Variants in NUTM1 observed in about 807,000 individuals in gnomAD.
The protein encoded by NUTM1 is NUT midline carcinoma family member 1, also known as NUT family member 1.
A neutral mutation model predicts 88.7 loss-of-function variants in NUTM1; 39 were observed. That is an observed-to-expected ratio of 0.44 (90% CI 0.34 to 0.57). The LOEUF is 0.57. Ranked by LOEUF, NUTM1 falls within the 20% of genes least tolerant of loss-of-function variation. The pLI is 0.01. For missense variants in NUTM1, 1,350 were observed against 1,414.5 expected (o/e 0.95, Z 0.73); for synonymous variants, 494 against 538.0 (o/e 0.92, Z 1.13).
At position 34,356,045 on chromosome 15, in the gene NUTM1, A is replaced by G; in HGVS notation, c.2037A>G (p.Leu679=). The G allele has an allele frequency of 6.2e-7, 1 of 1,614,150 alleles. No homozygotes were observed. Among genetic ancestry groups the G allele is most frequent in the Non-Finnish European group, 8.5e-7 (1 of 1,180,002 alleles). The change falls in exon 8 of 8, where the codon TTA becomes TTG. Residue 679 remains leucine (L), a synonymous_variant. Transcript: ENST00000537011. ...TGGCTCCTCTGCAAGGACAAGGGTT[A>G]GAAAAGCAAGTCCTGGGATTGCAGA... ...AELAPLQGQG[L]EKQVLGLQKG... is the part of the protein sequence containing the mutation.
chr15:34,355,958 T>C lies in NUTM1; in HGVS notation c.1950T>C (p.Leu650=). Residue 650 remains leucine, a synonymous_variant, in exon 8 of 8, where the codon CTT becomes CTC. Transcript: ENST00000537011. The surrounding 1 kb of genome is among the most constrained non-coding windows in gnomAD (Gnocchi z 4.3). ...ATAGGACTTCAGAGGCTCTGCCCCT[T>C]TGTTGGCAGGGAGGCTTCCAGCCTG... The part of the protein sequence containing the change: ...VADRTSEALP[L]CWQGGFQPES... 1 of 1,614,136 alleles carries C rather than the reference T, an allele frequency of 6.2e-7. No homozygotes were observed. Among genetic ancestry groups the C allele is most frequent in the Non-Finnish European group, 8.5e-7 (1 of 1,179,988 alleles).
chr15:34,351,967 C>A (rs529807093), intron 4 of NUTM1, among the ~76,000 whole-genome samples: 3 of 151,384 alleles, frequency 2.0e-5, no homozygotes, highest in Non-Finnish European at 4.4e-5. Context: ...GTCGGGAGTT[C>A]GAGACCAGCC....
In NUTM1 at chr15:34,345,931, A is replaced by C. The variant is rs913157253; in HGVS notation, c.7-11A>C. ...CCCTTCCTTGGATCCCTGTGCACCT[A>C]CTGGAGCCAGGTTACTCTGGGTCCT... On this transcript the variant is annotated splice_polypyrimidine_tract_variant and intron_variant, in intron 1 of 7. Transcript: ENST00000537011. 6.2e-7 allele frequency: 1 copy of C among 1,613,172 alleles called. No homozygotes were observed. The highest frequency in any genetic ancestry group is 1.3e-5 in the African/African-American group (1 of 74,710).
At chr15:34,349,326 A>G (rs1890665221) in intron 3 of NUTM1, among the ~76,000 whole-genome samples, 1 of 152,262 alleles carries the variant, frequency 6.6e-6, no homozygotes, top group Non-Finnish European at 1.5e-5. Context: ...AAAGGGGGAT[A>G]ACTATACCTA....
chr15:34,357,238 A>T lies in NUTM1; in HGVS notation c.3230A>T (p.Gln1077Leu). The change falls in exon 8 of 8, where the codon CAG becomes CTG. Residue 1077 changes from glutamine (Q) to leucine (L), a missense_variant. Coordinates refer to ENST00000537011, the MANE Select transcript of NUTM1 (RefSeq NM_001284292.2). ...CATGCCTCAGGAGGTCAGGGCAGCC[A>T]GAGAGCATCCCACCTGCTCCCTGCT... The part of the protein sequence containing the change: ...PHHASGGQGS[Q>L]RASHLLPAGA... 1 of 1,614,184 alleles carries T rather than the reference A, an allele frequency of 6.2e-7. No individual in the cohort carries two copies. Among genetic ancestry groups the T allele is most frequent in the Non-Finnish European group, 8.5e-7 (1 of 1,180,036 alleles).
intron 3 of NUTM1, among the ~76,000 whole-genome samples, chr15:34,349,416 A>C (rs1359665495): frequency 6.6e-6 from 1 of 152,216 alleles, no homozygotes; most frequent in Admixed American, 6.5e-5. Flanking sequence ...TTAAATGTCA[A>C]CTGTTTTATT....
chr15:34,357,162 T>C lies in NUTM1; in HGVS notation c.3154T>C (p.Leu1052=), dbSNP rs752746677. The part of the protein sequence containing the change: ...DEELSNFAYL[L]ASKLSLSPRE... ...GGAACTCTCCAACTTTGCTTACCTCTTGGCCTCTAAACTTAGCCTCTCACC... is the reference window on the plus strand; with the variant it reads ...GGAACTCTCCAACTTTGCTTACCTCCTGGCCTCTAAACTTAGCCTCTCACC... The change falls in exon 8 of 8, where the codon TTG becomes CTG. Residue 1052 remains leucine, a synonymous_variant. Coordinates refer to ENST00000537011, the MANE Select transcript of NUTM1 (RefSeq NM_001284292.2). 6 of 1,614,068 alleles carry C rather than the reference T, an allele frequency of 3.7e-6. No individual in the cohort carries two copies. Among genetic ancestry groups the C allele is most frequent in the Non-Finnish European group, 5.1e-6 (6 of 1,180,036 alleles).
Position 34,357,616 on chromosome 15 carries a change from T to C in NUTM1, c.*125T>C, listed in dbSNP as rs980954200. ...TGAATCTCATCCCAATGTTGTTTTG[T>C]TGTTCTGCAAAAGTGGCAAGCATGG... On this transcript the variant is annotated 3_prime_UTR_variant, in exon 8 of 8. Coordinates refer to ENST00000537011, the MANE Select transcript of NUTM1 (RefSeq NM_001284292.2). The C allele has an allele frequency of 1.5e-5, 23 of 1,574,788 alleles. No homozygotes were observed. Among genetic ancestry groups the C allele is most frequent in the Admixed American group, 3.3e-5 (2 of 59,956 alleles).
In NUTM1 at chr15:34,348,544, C is replaced by G. The variant is rs773091688; in HGVS notation, c.676C>G (p.Pro226Ala). The change falls in exon 3 of 8, where the codon CCT becomes GCT. Residue 226 changes from proline (P) to alanine (A), a missense_variant. By Grantham distance (27) the Pro-to-Ala change is conservative. Coordinates refer to ENST00000537011, the MANE Select transcript of NUTM1 (RefSeq NM_001284292.2). ...EGGPVATLSK[P>A]SLGDRSKISK... ...AGGTCCTGTGGCCACTCTATCCAAG[C>G]CTTCCCTAGGTGACCGCTCCAAAAT... is the stretch of plus-strand genomic sequence containing the variant. 4.2e-5 allele frequency: 68 copies of G among 1,613,950 alleles called. No homozygotes were observed. Among genetic ancestry groups the G allele is most frequent in the Middle Eastern group, 1.6e-4 (1 of 6,084 alleles).
At chr15:34,347,577 A>G (rs1364685480) in intron 2 of NUTM1, among the ~76,000 whole-genome samples, 3 of 152,134 alleles carry the variant, frequency 2.0e-5, no homozygotes, top group Non-Finnish European at 4.4e-5. Context: ...AAATTTAAAA[A>G]TAAAGGAGGA....
In NUTM1 at chr15:34,356,615, C is replaced by T; in HGVS notation, c.2607C>T (p.Phe869=). 5 of 1,613,906 alleles carry T rather than the reference C, an allele frequency of 3.1e-6. No homozygotes were observed. The highest frequency in any genetic ancestry group is 4.2e-6 in the Non-Finnish European group (5 of 1,179,978). ...GTGATCTGTGGGCAGAAGGTTGCTT[C>T]CCATTGCTAGAAAGTGGTGATTCCA... ...HPSDLWAEGC[F]PLLESGDSTL... The change falls in exon 8 of 8, where the codon TTC becomes TTT. Residue 869 remains phenylalanine (F), a synonymous_variant. Coordinates refer to ENST00000537011, the MANE Select transcript of NUTM1 (RefSeq NM_001284292.2).
intron 3 of NUTM1, among the ~76,000 whole-genome samples, chr15:34,349,206 G>C (rs928126853): frequency 6.6e-6 from 1 of 152,156 alleles, no homozygotes; most frequent in Non-Finnish European, 1.5e-5. Context: ...CTTTGAAATA[G>C]GGTGGTGGGT....
Position 34,355,199 on chromosome 15 carries a change from ACT to A in NUTM1, c.1479+63_1479+64del, listed in dbSNP as rs1890779761. 115 of 1,126,644 alleles carry A rather than the reference ACT, an allele frequency of 1.0e-4. 1 individual carries two copies. The South Asian group carries it at 1.4e-3, about 14-fold the overall frequency. The allele number at this position is 1,126,644 out of a possible 1,614,324, so 69.8% of individuals were successfully genotyped here. On this transcript the variant is annotated intron_variant, in intron 7 of 7. Transcript: ENST00000537011. This position sits in a 1 kb window ranked among gnomAD's most constrained non-coding sequence, Gnocchi z 4.3. ...CTTGCAAGATTTTATCTAACCCTAC[ACT>A]GTCGTGGGTGATATGGCTCTAGAGA...
chr15:34,348,735 G>A, intron 3 of NUTM1, 58 bp downstream of exon 3: 1 of 1,277,328 alleles, frequency 7.8e-7, no homozygotes, highest in South Asian at 1.3e-5. Flanking sequence ...GAGGACTTTG[G>A]GGTGAACATA....
At chr15:34,345,371 G>T (rs1369447578) in intron 1 of NUTM1, among the ~76,000 whole-genome samples, 7 of 152,262 alleles carry the variant, frequency 4.6e-5, no homozygotes. Flanking sequence ...TAAGGCGTCT[G>T]TGGAGTACAG....
chr15:34,355,141 A>T lies in NUTM1; in HGVS notation c.1479+4A>T. 1 of 1,543,798 alleles carries T rather than the reference A, an allele frequency of 6.5e-7. No individual in the cohort carries two copies. The highest frequency in any genetic ancestry group is 9.0e-7 in the Non-Finnish European group (1 of 1,116,006). On this transcript the variant is annotated splice_donor_region_variant and intron_variant, in intron 7 of 7. Transcript: ENST00000537011. The surrounding 1 kb of genome is among the most constrained non-coding windows in gnomAD (Gnocchi z 4.3). Reference sequence around the variant, plus strand: ...AGAAGGACTCACTCTTGCCCAGGTAAAACTGGGGTATAGGAAATATGAGAA... The same window carrying T: ...AGAAGGACTCACTCTTGCCCAGGTATAACTGGGGTATAGGAAATATGAGAA...
chr15:34,354,420 A>G (rs1253914736), intron 5 of NUTM1, 26 bp from the exon 6 acceptor site: 4 of 1,611,230 alleles, frequency 2.5e-6, no homozygotes, highest in South Asian at 2.2e-5. Flanking sequence ...GCTACTTCCC[A>G]TTCTCCTGTC....
chr15:34,356,365 G>C lies in NUTM1; in HGVS notation c.2357G>C (p.Gly786Ala). The change falls in exon 8 of 8, where the codon GGC becomes GCC. Residue 786 changes from glycine to alanine, a missense_variant. By Grantham distance (60) the Gly-to-Ala change is moderately conservative. Around this residue, in one of 5 missense-constraint regions of NUTM1, gnomAD observed 730 missense variants for 728.8 expected, o/e 1.00. Coordinates refer to ENST00000537011, the MANE Select transcript of NUTM1 (RefSeq NM_001284292.2). ...AAGTGTGTAACTGAGTATCAGGAAGGCTGCCAGGGACTGGGCTCCAGGGGC... is the reference window on the plus strand; with the variant it reads ...AAGTGTGTAACTGAGTATCAGGAAGCCTGCCAGGGACTGGGCTCCAGGGGC... The part of the protein sequence containing the change: ...VEKCVTEYQE[G>A]CQGLGSRGNI... 1 of 1,613,802 alleles carries C rather than the reference G, an allele frequency of 6.2e-7. No homozygotes were observed.
In NUTM1 at chr15:34,348,684, G is replaced by A. The variant is rs764229002; in HGVS notation, c.809+7G>A. 19 of 1,560,118 alleles carry A rather than the reference G, an allele frequency of 1.2e-5. No homozygotes were observed. The Admixed American group carries it at 3.2e-4, about 26-fold the overall frequency. On this transcript the variant is annotated splice_region_variant and intron_variant, in intron 3 of 7. Coordinates refer to ENST00000537011, the MANE Select transcript of NUTM1 (RefSeq NM_001284292.2). ...CTCTTTCCTGTTTTCTTATGTAAGTGGGGAGACCGGAGATTAATTATTCTA... is the reference window on the plus strand; with the variant it reads ...CTCTTTCCTGTTTTCTTATGTAAGTAGGGAGACCGGAGATTAATTATTCTA...
Sources: gnomAD v4.1 joint callset for allele counts (sites outside exome capture counted in the v4.1 genomes callset) on GRCh38, gnomAD v4.1.1 for gene constraint, gnomAD v4.1.1 regional missense constraint, Gnocchi (gnomAD v3.1) non-coding constraint, MANE v1.5 for transcripts, NCBI Gene and HGNC (gene_info 2026-07-23, HGNC 2026-07-21) for gene names.